The following HIKESHI variants were observed in gnomAD, a reference collection of about 807,000 sequenced individuals.
HIKESHI encodes protein Hikeshi.
A neutral mutation model predicts 25.7 loss-of-function variants in HIKESHI; 13 were observed. That is an observed-to-expected ratio of 0.51 (90% CI 0.33 to 0.80). HIKESHI has a LOEUF of 0.80. HIKESHI is among the 30% of genes least tolerant of loss of function. The pLI is 0.02. For missense variants in HIKESHI, 174 were observed against 229.5 expected (o/e 0.76, Z 1.56); for synonymous variants, 76 against 78.7 (o/e 0.97, Z 0.18).
At chr11:86,338,897 A>G (rs1365315633) in intron 3 of HIKESHI, among the ~76,000 whole-genome samples, 1 of 152,224 alleles carries the variant, frequency 6.6e-6, no homozygotes, top group Non-Finnish European at 1.5e-5. Flanking sequence ...TTTACTGTAC[A>G]TGTTTATAAA....
intron 2 of HIKESHI, among the ~76,000 whole-genome samples, chr11:86,314,241 C>A (rs989498354): frequency 1.3e-5 from 2 of 152,100 alleles, no homozygotes; most frequent in Non-Finnish European, 2.9e-5. Context: ...TCTGAGGCGT[C>A]TGTGAAGAAT....
intron 2 of HIKESHI, among the ~76,000 whole-genome samples, chr11:86,322,148 T>C (rs909058459): frequency 6.6e-6 from 1 of 151,802 alleles, no homozygotes; most frequent in Non-Finnish European, 1.5e-5. Flanking sequence ...CGCCACACCC[T>C]GCTGATTTTA....
intron 2 of HIKESHI, among the ~76,000 whole-genome samples, chr11:86,319,217 A>AATATATAT (rs139667221): frequency 2.6e-4 from 30 of 115,040 alleles, no homozygotes; most frequent in Non-Finnish European, 4.2e-4. Flanking sequence ...CTGGCTTAAA[A>AATATATAT]ATATATATAT....
chr11:86,340,042 T>G (rs573011630), intron 3 of HIKESHI, among the ~76,000 whole-genome samples: 1 of 152,264 alleles, frequency 6.6e-6, no homozygotes, highest in Admixed American at 6.5e-5. Context: ...AGAATGATGG[T>G]TTCCAGCTTC....
At chr11:86,336,141 C>T (rs917474893) in intron 2 of HIKESHI, among the ~76,000 whole-genome samples, 1 of 152,074 alleles carries the variant, frequency 6.6e-6, no homozygotes, top group African/African-American at 2.4e-5. Flanking sequence ...ATTGAGTAGA[C>T]AGAAGAAAGA....
At chr11:86,303,036 C>T (rs934960315) in intron 1 of HIKESHI, among the ~76,000 whole-genome samples, 3 of 152,110 alleles carry the variant, frequency 2.0e-5, no homozygotes, top group African/African-American at 7.2e-5. Flanking sequence ...TGAAACTTAA[C>T]GTGTGAGCCG....
chr11:86,326,060 G>C (rs920452708), intron 2 of HIKESHI, among the ~76,000 whole-genome samples: 1 of 152,186 alleles, frequency 6.6e-6, no homozygotes, highest in Non-Finnish European at 1.5e-5. Context: ...CACTTTGGGA[G>C]GCTGAGGCGG....
intron 2 of HIKESHI, among the ~76,000 whole-genome samples, chr11:86,335,348 T>C (rs1032638898): frequency 1.3e-5 from 2 of 152,222 alleles, no homozygotes; most frequent in Non-Finnish European, 2.9e-5. Context: ...AGGAAAACAG[T>C]TGGAGTAAAC....
intron 2 of HIKESHI, among the ~76,000 whole-genome samples, chr11:86,330,717 G>A (rs751139579): frequency 6.6e-6 from 1 of 152,026 alleles, no homozygotes; most frequent in Non-Finnish European, 1.5e-5. Flanking sequence ...TGTACCTAAA[G>A]TATTTTCTTC....
chr11:86,311,953 A>G (rs1316049981), intron 2 of HIKESHI, among the ~76,000 whole-genome samples: 1 of 151,990 alleles, frequency 6.6e-6, no homozygotes, highest in African/African-American at 2.4e-5. Context: ...TTTCTTTTAC[A>G]TTTGCTGAGG....
intron 2 of HIKESHI, among the ~76,000 whole-genome samples, chr11:86,315,837 A>G (rs1416870223): frequency 6.6e-6 from 1 of 152,184 alleles, no homozygotes; most frequent in Non-Finnish European, 1.5e-5. Context: ...GTAAAACAGC[A>G]TAACAAACAC....
chr11:86,326,887 G>C (rs1947296026), intron 2 of HIKESHI, among the ~76,000 whole-genome samples: 1 of 152,140 alleles, frequency 6.6e-6, no homozygotes, highest in African/African-American at 2.4e-5. Flanking sequence ...CTAATGTGGG[G>C]TTTAAATTTT....
chr11:86,311,081 A>T (rs1946821071), intron 2 of HIKESHI, among the ~76,000 whole-genome samples: 1 of 152,148 alleles, frequency 6.6e-6, no homozygotes, highest in Admixed American at 6.5e-5. Flanking sequence ...TCATGAAATG[A>T]ATTAGGGAGG....
At chr11:86,309,141 C>T (rs1387668220) in intron 2 of HIKESHI, among the ~76,000 whole-genome samples, 1 of 152,126 alleles carries the variant, frequency 6.6e-6, no homozygotes, top group Non-Finnish European at 1.5e-5. Flanking sequence ...TGAGGAATCA[C>T]CACACTGTCT....
intron 3 of HIKESHI, chr11:86,343,807 T>A (rs1252833221): frequency 6.6e-6 from 1 of 152,180 alleles, no homozygotes; most frequent in Non-Finnish European, 1.5e-5. Flanking sequence ...GCTGATTTTG[T>A]ATATTTGAGA....
intron 1 of HIKESHI, among the ~76,000 whole-genome samples, chr11:86,305,300 C>G (rs1946595030): frequency 1.3e-5 from 2 of 150,552 alleles, no homozygotes; most frequent in Admixed American, 1.3e-4. Flanking sequence ...GTGCCTGGCC[C>G]CTTTATCTTT....
At chr11:86,344,753 G>A in intron 4 of HIKESHI, 32 bp downstream of exon 4, 2 of 1,339,214 alleles carry the variant, frequency 1.5e-6, no homozygotes, top group South Asian at 2.4e-5. Flanking sequence ...CAATATTAAG[G>A]CTTTTTATAA....
At chr11:86,322,354 A>G (rs1421696608) in intron 2 of HIKESHI, among the ~76,000 whole-genome samples, 1 of 151,958 alleles carries the variant, frequency 6.6e-6, no homozygotes, top group African/African-American at 2.4e-5. Context: ...CAAATCGTTT[A>G]CATGTTTTTA....
chr11:86,308,480 T>C (rs2138300136), intron 2 of HIKESHI, among the ~76,000 whole-genome samples: 1 of 149,112 alleles, frequency 6.7e-6, no homozygotes, highest in East Asian at 2.0e-4. Flanking sequence ...TTTTCTTCCG[T>C]TAAGATTGTT....
Sources: gnomAD v4.1 joint callset for allele counts (sites outside exome capture counted in the v4.1 genomes callset) on GRCh38, gnomAD v4.1.1 for gene constraint, MANE v1.5 for transcripts, NCBI Gene and HGNC (gene_info 2026-07-23, HGNC 2026-07-21) for gene names.